Variants in EPB41 observed in about 807,000 individuals in gnomAD.
EPB41 encodes the protein protein 4.1.
EPB41 carries 65 observed loss-of-function variants against 108.0 expected under a neutral mutation model. That is an observed-to-expected ratio of 0.60 (90% CI 0.49 to 0.74). The LOEUF is 0.74. Among genes scored for constraint, EPB41 ranks in the 30% least tolerant of loss-of-function variants. The pLI is 0.00. For synonymous variants in EPB41, 336 were observed against 358.9 expected (o/e 0.94, Z 0.72); for missense variants, 875 against 1,037.0 (o/e 0.84, Z 2.15).
intron 7 of EPB41, among the ~76,000 whole-genome samples, chr1:29,023,107 G>GCCTCA (rs2096667632): frequency 6.6e-6 from 1 of 151,562 alleles, no homozygotes; most frequent in Non-Finnish European, 1.5e-5. Flanking sequence ...TGATTCTCGT[G>GCCTCA]CCTCAGCCTC....
chr1:28,887,269 C>G lies in EPB41; in HGVS notation c.-8+59C>G. ...TCCCCGGGAGGGACGGGGTTAGGGA[C>G]AGAAGAACCTACCCCCAAGGGCTCG... On this transcript the variant is annotated intron_variant, in intron 1 of 16. Coordinates refer to the EPB41 transcript ENST00000347529. The surrounding 1 kb of genome is among the most constrained non-coding windows in gnomAD (Gnocchi z 4.9). The G allele has an allele frequency of 8.7e-6, 11 of 1,263,314 alleles. No homozygotes were observed. The highest frequency in any genetic ancestry group is 1.3e-5 in the South Asian group (1 of 79,534). The allele number at this position is 1,263,314 out of a possible 1,614,324, so 78.3% of individuals were successfully genotyped here.
intron 11 of EPB41, among the ~76,000 whole-genome samples, chr1:29,042,634 A>G (rs527858318): frequency 1.3e-5 from 2 of 152,002 alleles, no homozygotes; most frequent in Non-Finnish European, 1.5e-5. Flanking sequence ...ATGTGCCACC[A>G]TACCTGGCTA....
chr1:28,946,822 C>T (rs2094504522), intron 1 of EPB41, among the ~76,000 whole-genome samples: 1 of 152,118 alleles, frequency 6.6e-6, no homozygotes, highest in Admixed American at 6.6e-5. Context: ...CTGGTTCATG[C>T]TGTTTGATGT....
chr1:28,893,620 A>C (rs1464794056), intron 1 of EPB41: 1 of 152,186 alleles, frequency 6.6e-6, no homozygotes, highest in East Asian at 1.9e-4. Context: ...TTATCAGATT[A>C]TTGCTGACTA....
At chr1:29,042,596 A>C (rs749666254) in intron 11 of EPB41, among the ~76,000 whole-genome samples, 3 of 152,078 alleles carry the variant, frequency 2.0e-5, no homozygotes, top group Non-Finnish European at 4.4e-5. Flanking sequence ...CTCGTACCTC[A>C]GCCTCCCAAG....
intron 14 of EPB41, among the ~76,000 whole-genome samples, chr1:29,060,149 G>C (rs1437802774): frequency 6.6e-6 from 1 of 152,104 alleles, no homozygotes; most frequent in Non-Finnish European, 1.5e-5. Context: ...AGATAAAACA[G>C]CTTGTTACAT....
chr1:29,033,335 G>A, intron 9 of EPB41, 90 bp downstream of exon 9: 1 of 1,482,934 alleles, frequency 6.7e-7, no homozygotes, highest in Non-Finnish European at 9.3e-7. Flanking sequence ...AGTCATCTGA[G>A]AAGTCTCTCT....
chr1:28,940,542 C>A (rs1024019197), intron 1 of EPB41, among the ~76,000 whole-genome samples: 2 of 152,098 alleles, frequency 1.3e-5, no homozygotes, highest in Non-Finnish European at 2.9e-5. Flanking sequence ...ATCCTAGCTA[C>A]TCTGGAAGCT....
chr1:29,027,159 G>A (rs887556963), intron 7 of EPB41, among the ~76,000 whole-genome samples: 1 of 151,576 alleles, frequency 6.6e-6, no homozygotes, highest in African/African-American at 2.4e-5. Flanking sequence ...ACCTTGTTAT[G>A]TTGTGCAACC....
intron 4 of EPB41, among the ~76,000 whole-genome samples, chr1:29,002,642 G>A (rs904203231): frequency 4.6e-5 from 7 of 152,120 alleles, no homozygotes; most frequent in Non-Finnish European, 8.8e-5. Flanking sequence ...AAAATTGATT[G>A]TATTTGGCAA....
At chr1:29,048,944 C>T (rs181994861) in intron 11 of EPB41, among the ~76,000 whole-genome samples, 2 of 152,256 alleles carry the variant, frequency 1.3e-5, no homozygotes, top group Admixed American at 1.3e-4. Flanking sequence ...AGATACTTCT[C>T]TGTGCTCCTT....
chr1:29,076,050 A>G (rs1030463174), intron 16 of EPB41, among the ~76,000 whole-genome samples: 1 of 152,122 alleles, frequency 6.6e-6, no homozygotes, highest in Non-Finnish European at 1.5e-5. Context: ...TGTAGCTTTC[A>G]CTCACTGATC....
intron 1 of EPB41, among the ~76,000 whole-genome samples, chr1:28,972,254 A>G (rs1023832129): frequency 4.6e-5 from 7 of 152,200 alleles, no homozygotes; most frequent in Non-Finnish European, 8.8e-5. Context: ...AAAGAAATAA[A>G]ACTCAATTCG....
intron 18 of EPB41, chr1:29,109,640 T>C: frequency 3.2e-6 from 2 of 621,012 alleles, no homozygotes; most frequent in Non-Finnish European, 5.8e-6. Context: ...AGAGTATCCC[T>C]GCCTACTTAG....
At chr1:29,081,830 T>C (rs1013748049) in intron 16 of EPB41, among the ~76,000 whole-genome samples, 2 of 103,638 alleles carry the variant, frequency 1.9e-5, no homozygotes, top group Non-Finnish European at 4.6e-5. Flanking sequence ...AGCGAAACTC[T>C]GTCTCAAAAA....
At chr1:28,897,788 G>A (rs1291302357) in intron 1 of EPB41, among the ~76,000 whole-genome samples, 1 of 152,138 alleles carries the variant, frequency 6.6e-6, no homozygotes, top group Non-Finnish European at 1.5e-5. Flanking sequence ...TGTTTTGCTT[G>A]CCTCGAAGAT....
chr1:29,026,806 CT>C (rs1346172410), intron 7 of EPB41, among the ~76,000 whole-genome samples: 5 of 151,798 alleles, frequency 3.3e-5, no homozygotes, highest in Non-Finnish European at 7.4e-5. Flanking sequence ...GACCTTGTCT[CT>C]TAAAAAAAAT....
At chr1:29,017,897 A>T (rs1179635954) in intron 6 of EPB41, among the ~76,000 whole-genome samples, 2 of 152,122 alleles carry the variant, frequency 1.3e-5, no homozygotes, top group Non-Finnish European at 2.9e-5. Context: ...TAGTATACTT[A>T]AAAAAATAGT....
intron 1 of EPB41, among the ~76,000 whole-genome samples, chr1:28,894,256 T>C (rs1471638171): frequency 6.6e-6 from 1 of 152,220 alleles, no homozygotes; most frequent in East Asian, 1.9e-4. Context: ...CTTCAGCGCC[T>C]AGGGTATAGT....
Sources: gnomAD v4.1 joint callset for allele counts (sites outside exome capture counted in the v4.1 genomes callset) on GRCh38, gnomAD v4.1.1 for gene constraint, Gnocchi (gnomAD v3.1) non-coding constraint, MANE v1.5 for transcripts, NCBI Gene and HGNC (gene_info 2026-07-23, HGNC 2026-07-21) for gene names.